Variants in KCTD10 observed in about 807,000 individuals in gnomAD.
KCTD10 encodes the protein BTB/POZ domain-containing adapter for CUL3-mediated RhoA degradation protein 3.
A neutral mutation model predicts 34.6 loss-of-function variants in KCTD10; 13 were observed. The observed-to-expected ratio is 0.38, with a 90% CI of 0.24 to 0.60. KCTD10 has a LOEUF of 0.60. Ranked by LOEUF, KCTD10 falls within the 20% of genes least tolerant of loss-of-function variation. KCTD10 has a pLI of 0.66. For synonymous variants in KCTD10, 156 were observed against 168.8 expected (o/e 0.92, Z 0.59); for missense variants, 256 against 420.3 (o/e 0.61, Z 3.42).
rs1873256413 is a variant in KCTD10 at position 109,460,430 on chromosome 12, G to A, written c.387+206C>T. ...CCAACAGCATGGGGCTGCAAGGAGT[G>A]ACACAGTAGTTAGGTGGCCTGCTGT... On this transcript the variant is annotated intron_variant, in intron 3 of 6. Coordinates refer to ENST00000228495, the MANE Select transcript of KCTD10 (RefSeq NM_031954.5). This position sits in a 1 kb window ranked among gnomAD's most constrained non-coding sequence, Gnocchi z 4.5. 3 of 577,956 alleles carry A rather than the reference G, an allele frequency of 5.2e-6. No individual in the cohort carries two copies. Among genetic ancestry groups the A allele is most frequent in the Non-Finnish European group, 9.3e-6 (3 of 323,878 alleles). 35.8% of individuals were successfully genotyped at this position (577,956 alleles called of 1,614,324 possible).
In KCTD10 at chr12:109,451,685, G is replaced by A; in HGVS notation, c.852C>T (p.His284=). 2.5e-6 allele frequency: 4 copies of A among 1,613,836 alleles called. No homozygotes were observed. The highest frequency in any genetic ancestry group is 3.4e-6 in the Non-Finnish European group (4 of 1,179,932). Residue 284 remains histidine (H), a synonymous_variant, in exon 7 of 7, where the codon CAC becomes CAT. Coordinates refer to ENST00000228495, the MANE Select transcript of KCTD10 (RefSeq NM_031954.5). The surrounding 1 kb of genome is among the most constrained non-coding windows in gnomAD (Gnocchi z 5.0). Reference sequence around the variant, plus strand: ...GCTCCCGCTCCTCGTCCTCGTCCAGGTGGTGGGAGCGCCCCGCCGCCCCGC... The same window carrying A: ...GCTCCCGCTCCTCGTCCTCGTCCAGATGGTGGGAGCGCCCCGCCGCCCCGC... The part of the protein sequence containing the change: ...ATGGAAGRSH[H]LDEDEERERI...
intron 6 of KCTD10, among the ~76,000 whole-genome samples, chr12:109,453,745 G>T (rs543394362): frequency 2.6e-5 from 4 of 152,334 alleles, no homozygotes; most frequent in African/African-American, 9.6e-5. Flanking sequence ...GATCAGAGAA[G>T]GGGACTCCAG....
At chr12:109,465,996 A>G (rs780777412) in intron 2 of KCTD10, among the ~76,000 whole-genome samples, 5 of 152,242 alleles carry the variant, frequency 3.3e-5, no homozygotes, top group Non-Finnish European at 7.3e-5. Flanking sequence ...AACAGAATGC[A>G]TTGTGAAAGG....
intron 1 of KCTD10, among the ~76,000 whole-genome samples, chr12:109,473,567 G>A (rs1873997970): frequency 2.0e-5 from 3 of 152,282 alleles, no homozygotes; most frequent in Non-Finnish European, 4.4e-5. Context: ...CTACAGATTA[G>A]GCAACAAAAG....
chr12:109,464,514 G>A (rs1205813748), intron 2 of KCTD10, among the ~76,000 whole-genome samples: 2 of 152,096 alleles, frequency 1.3e-5, no homozygotes, highest in African/African-American at 2.4e-5. Context: ...GTGTAAAAAA[G>A]CGATTTAAAC....
At chr12:109,458,115 T>C (rs754157928) in intron 3 of KCTD10, 37 bp from the exon 4 acceptor site, 1 of 1,526,796 alleles carries the variant, frequency 6.5e-7, no homozygotes, top group South Asian at 1.1e-5. Context: ...CTAGGAGGCC[T>C]GCCTAGCACT....
rs772155801 is a variant in KCTD10, at chr12:109,451,561, C to T, written c.*34G>A. ...GGTGTAGCACGGCAGGGAGTGGGGG[C>T]GGTGAGAGGAGGGCGGCTCGGTCTC... On this transcript the variant is annotated 3_prime_UTR_variant, in exon 7 of 7. Coordinates refer to ENST00000228495, the MANE Select transcript of KCTD10 (RefSeq NM_031954.5). This position sits in a 1 kb window ranked among gnomAD's most constrained non-coding sequence, Gnocchi z 5.0. 2.0e-5 allele frequency: 32 copies of T among 1,565,430 alleles called. No homozygotes were observed. The highest frequency in any genetic ancestry group is 6.8e-5 in the East Asian group (3 of 44,134).
intron 1 of KCTD10, among the ~76,000 whole-genome samples, chr12:109,476,744 C>A (rs1874326650): frequency 6.6e-6 from 1 of 152,132 alleles, no homozygotes; most frequent in Admixed American, 6.5e-5. Context: ...CTGGGAGCCC[C>A]TTCCCCACTT....
chr12:109,450,401 A>AT lies in KCTD10; in HGVS notation c.*1193dup. ...CACACGTCCCCACCCACAGTCACACATATCCCTTAAACAAACATGAACACA... is the reference window on the plus strand; with the variant it reads ...CACACGTCCCCACCCACAGTCACACATTATCCCTTAAACAAACATGAACACA... On this transcript the variant is annotated 3_prime_UTR_variant, in exon 7 of 7. Coordinates refer to ENST00000228495, the MANE Select transcript of KCTD10 (RefSeq NM_031954.5). 2.5e-6 allele frequency: 1 copy of AT among 399,500 alleles called. No individual in the cohort carries two copies. Among genetic ancestry groups the AT allele is most frequent in the East Asian group, 3.6e-5 (1 of 28,108 alleles). The allele number at this position is 399,500 out of a possible 1,614,324, so 24.7% of individuals were successfully genotyped here. A position where few individuals can be genotyped will look rare whatever the true frequency, so the allele number is the denominator to read the frequency against.
At chr12:109,468,051 C>T (rs372732204) in intron 2 of KCTD10, among the ~76,000 whole-genome samples, 1 of 152,166 alleles carries the variant, frequency 6.6e-6, no homozygotes, top group Non-Finnish European at 1.5e-5. Context: ...CCTCCAGCAG[C>T]GGGGGTGCTA....
rs185216645 is a variant in KCTD10, at chr12:109,451,250, G to A, written c.*345C>T. 17 of 209,272 alleles carry A rather than the reference G, an allele frequency of 8.1e-5. 1 individual carries two copies. The East Asian group carries it at 1.4e-3, about 18-fold the overall frequency. 13.0% of individuals were successfully genotyped at this position (209,272 alleles called of 1,614,324 possible). A position where few individuals can be genotyped will look rare whatever the true frequency, so the allele number is the denominator to read the frequency against. On this transcript the variant is annotated 3_prime_UTR_variant, in exon 7 of 7. Transcript: ENST00000228495. The surrounding 1 kb of genome is among the most constrained non-coding windows in gnomAD (Gnocchi z 5.0). ...ACCCAAAAAGCCCACATAGGAAGTC[G>A]ACACCCACAAAAATAAATATTGCAA...
At chr12:109,457,414 A>C (rs779720359) in intron 5 of KCTD10, 146 of 487,442 alleles carry the variant, frequency 3.0e-4, no homozygotes, top group South Asian at 9.5e-4. Flanking sequence ...TTGTGAATAT[A>C]ATAATAACTG....
Position 109,470,442 on chromosome 12 carries a change from T to C in KCTD10, c.4-714A>G, listed in dbSNP as rs1019808741. 2.6e-5 allele frequency: 26 copies of C among 985,502 alleles called. No individual in the cohort carries two copies. In the Middle Eastern group the frequency reaches 3.7e-3, roughly 139 times the overall value. 61.0% of individuals were successfully genotyped at this position (985,502 alleles called of 1,614,324 possible). A position where few individuals can be genotyped will look rare whatever the true frequency, so the allele number is the denominator to read the frequency against. On this transcript the variant is annotated intron_variant, in intron 1 of 6. Coordinates refer to ENST00000228495, the MANE Select transcript of KCTD10 (RefSeq NM_031954.5). ...CTCCCTGATAGCATGGCTGACTCTC[T>C]GTACATCTCAAAGAAATGGATACAG...
At chr12:109,470,659 A>T in intron 1 of KCTD10, 1 of 936,682 alleles carries the variant, frequency 1.1e-6, no homozygotes, top group Non-Finnish European at 1.3e-6. Flanking sequence ...AGTTTTTCAC[A>T]GCACATCACC....
At chr12:109,466,587 GTTC>G (rs10583123) in intron 2 of KCTD10, among the ~76,000 whole-genome samples, 52,655 of 151,892 alleles carry the variant, frequency 0.35, 10,093 homozygotes, top group African/African-American at 0.53. Context: ...CAACATCCAA[GTTC>G]TTCTTGGTTT....
chr12:109,449,046 T>C lies in KCTD10; in HGVS notation c.*2549A>G, dbSNP rs752406823. On this transcript the variant is annotated 3_prime_UTR_variant, in exon 7 of 7. Coordinates refer to ENST00000228495, the MANE Select transcript of KCTD10 (RefSeq NM_031954.5). Reference sequence around the variant, plus strand: ...ACCCTTGATTACGACACACCAAAGCTGTTCCAATTTGTAAAAAACTGTAGT... The same window carrying C: ...ACCCTTGATTACGACACACCAAAGCCGTTCCAATTTGTAAAAAACTGTAGT... 3.9e-5 allele frequency: 6 copies of C among 151,934 alleles called. No individual in the cohort carries two copies. Among genetic ancestry groups the C allele is most frequent in the Non-Finnish European group, 5.9e-5 (4 of 68,052 alleles). 9.4% of individuals were successfully genotyped at this position (151,934 alleles called of 1,614,324 possible). A position where few individuals can be genotyped will look rare whatever the true frequency, so the allele number is the denominator to read the frequency against.
chr12:109,466,335 C>A (rs1219323564), intron 2 of KCTD10, among the ~76,000 whole-genome samples: 1 of 152,242 alleles, frequency 6.6e-6, no homozygotes, highest in Non-Finnish European at 1.5e-5. Context: ...CCCAACATCT[C>A]AGGCCCTGTG....
chr12:109,464,754 A>G, intron 2 of KCTD10: 1 of 444,360 alleles, frequency 2.3e-6, no homozygotes, highest in Non-Finnish European at 4.5e-6. Context: ...GAAATACTGA[A>G]TAAAACAAGG....
At chr12:109,455,520 C>G (rs1285121753) in intron 6 of KCTD10, 1 of 152,944 alleles carries the variant, frequency 6.5e-6, no homozygotes, top group Non-Finnish European at 1.5e-5. Flanking sequence ...CAATAGTAAC[C>G]TGGGTAAGTG....
Sources: gnomAD v4.1 joint callset for allele counts (sites outside exome capture counted in the v4.1 genomes callset) on GRCh38, gnomAD v4.1.1 for gene constraint, Gnocchi (gnomAD v3.1) non-coding constraint, MANE v1.5 for transcripts, NCBI Gene and HGNC (gene_info 2026-07-23, HGNC 2026-07-21) for gene names.